The following RNF169 variants were observed in gnomAD, a reference collection of about 807,000 sequenced individuals.
RNF169 encodes ring finger protein 169.
A neutral mutation model predicts 53.9 loss-of-function variants in RNF169; 24 were observed. The ratio of observed to expected loss-of-function variants is 0.45; its 90% CI spans 0.32 to 0.63. The LOEUF is 0.63. Ranked by LOEUF, RNF169 falls within the 20% of genes least tolerant of loss-of-function variation. RNF169 has a pLI of 0.04. For missense variants in RNF169, 883 were observed against 906.2 expected (o/e 0.97, Z 0.33); for synonymous variants, 396 against 363.5 (o/e 1.09, Z -1.02).
At position 74,799,447 on chromosome 11, in the gene RNF169, C is replaced by T. The variant is rs2035698684; in HGVS notation, c.576+9748C>T. On this transcript the variant is annotated intron_variant, in intron 2 of 5. Transcript: ENST00000299563. ...TGTGCTTTTCAAAGAAAAGAACACA[C>T]TTGGAGCATTCAAAACACGATCAAA... 2.6e-5 allele frequency among the ~76,000 whole-genome samples: 4 copies of T among 152,258 alleles called. No homozygotes were observed. The South Asian group carries it at 8.3e-4, about 32-fold the overall frequency.
In RNF169 at chr11:74,841,901, T is replaced by C. The variant is rs1485386423; in HGVS notation, c.*5171T>C. 3.3e-5 allele frequency: 5 copies of C among 152,198 alleles called. No individual in the cohort carries two copies. The highest frequency in any genetic ancestry group is 9.7e-5 in the African/African-American group (4 of 41,436). The allele number at this position is 152,198 out of a possible 1,614,324, so 9.4% of individuals were successfully genotyped here. ...TGAGAGCATTGGGTTCAAGTTTGCA[T>C]CAAACATGGTATTACCAACGCTGAG... On this transcript the variant is annotated 3_prime_UTR_variant, in exon 6 of 6. Transcript: ENST00000299563.
rs2036256945 is a variant in RNF169, at chr11:74,836,328, A to G, written c.1725A>G (p.Ser575=). The change falls in exon 6 of 6, where the codon TCA becomes TCG. Residue 575 remains serine, a synonymous_variant. Transcript: ENST00000299563. The stretch of plus-strand genomic sequence containing the variant: ...CCATGAAAATCACCACAGTTAATTC[A>G]GTGCTACCCCAAAACAGTGTTTTGG... The part of the protein sequence containing the change: ...SRAMKITTVN[S]VLPQNSVLGG... 6.2e-7 allele frequency: 1 copy of G among 1,614,200 alleles called. No individual in the cohort carries two copies.
chr11:74,828,683 A>G (rs1305414636), intron 4 of RNF169, among the ~76,000 whole-genome samples: 1 of 152,222 alleles, frequency 6.6e-6, no homozygotes, highest in Non-Finnish European at 1.5e-5. Context: ...TCCAGAAATA[A>G]GACCACATAC....
rs2034834962 is a variant in RNF169, at chr11:74,748,899, A to C, written c.19A>C (p.Ser7Arg). The change falls in exon 1 of 6, where the codon AGT (serine) becomes CGT (arginine). Residue 7 changes from serine to arginine, a missense_variant. By Grantham distance (110) the Ser-to-Arg change is moderately radical (BLOSUM62 -1). Coordinates refer to ENST00000299563, the MANE Select transcript of RNF169 (RefSeq NM_001098638.2). Reference sequence around the variant, plus strand: ...AAACAAGATGGCGGCTGCAGGTCCGAGTACTCGGGCCTCTTCCGCGGCGGC... The same window carrying C: ...AAACAAGATGGCGGCTGCAGGTCCGCGTACTCGGGCCTCTTCCGCGGCGGC... MAAAGP[S>R]TRASSAAAAA... 8.4e-6 allele frequency: 12 copies of C among 1,432,968 alleles called. No homozygotes were observed. Among genetic ancestry groups the C allele is most frequent in the Middle Eastern group, 1.9e-4 (1 of 5,310 alleles). The allele number at this position is 1,432,968 out of a possible 1,614,324, so 88.8% of individuals were successfully genotyped here.
At chr11:74,787,519 G>A (rs2035521268) in intron 1 of RNF169, among the ~76,000 whole-genome samples, 1 of 152,138 alleles carries the variant, frequency 6.6e-6, no homozygotes, top group African/African-American at 2.4e-5. Context: ...TGAGTAGATC[G>A]GCTTCTTGGG....
chr11:74,834,803 CTTG>C, intron 5 of RNF169, 28 bp downstream of exon 5: 2 of 1,505,284 alleles, frequency 1.3e-6, no homozygotes, highest in Non-Finnish European at 1.8e-6. Context: ...ACCTCCGGGG[CTTG>C]TGAGGCTTGC....
chr11:74,789,525 T>C (rs2035551618), intron 1 of RNF169, 101 bp from the exon 2 acceptor site: 1 of 696,980 alleles, frequency 1.4e-6, no homozygotes, highest in Non-Finnish European at 2.5e-6. Flanking sequence ...TTCTTAGCTT[T>C]GATTTTTATC....
intron 1 of RNF169, among the ~76,000 whole-genome samples, chr11:74,759,376 C>G (rs1182336631): frequency 2.8e-4 from 36 of 129,726 alleles, no homozygotes; most frequent in African/African-American, 1.0e-3. Context: ...GAGGGCATCC[C>G]TGTCTTGTGC....
chr11:74,782,688 T>C (rs144159655), intron 1 of RNF169, among the ~76,000 whole-genome samples: 4 of 152,334 alleles, frequency 2.6e-5, no homozygotes, highest in African/African-American at 9.6e-5. Flanking sequence ...AAATTGTCTC[T>C]GTGTATTTAA....
At chr11:74,799,388 T>A (rs1229435068) in intron 2 of RNF169, among the ~76,000 whole-genome samples, 1 of 152,176 alleles carries the variant, frequency 6.6e-6, no homozygotes, top group Non-Finnish European at 1.5e-5. Flanking sequence ...TATTTATAAC[T>A]ACCCAGATGT....
At chr11:74,831,882 A>C (rs963651889) in intron 4 of RNF169, 1 of 152,240 alleles carries the variant, frequency 6.6e-6, no homozygotes, top group Non-Finnish European at 1.5e-5. Flanking sequence ...AAGGGTGCCA[A>C]GACCATTCAG....
At chr11:74,811,144 A>T (rs997846786) in intron 3 of RNF169, among the ~76,000 whole-genome samples, 1 of 152,144 alleles carries the variant, frequency 6.6e-6, no homozygotes, top group Non-Finnish European at 1.5e-5. Flanking sequence ...AAAAAAAAAA[A>T]TCTCTGGATC....
At chr11:74,766,447 A>T (rs2035176390) in intron 1 of RNF169, among the ~76,000 whole-genome samples, 1 of 152,220 alleles carries the variant, frequency 6.6e-6, no homozygotes, top group South Asian at 2.1e-4. Context: ...AAAACATTTG[A>T]TGAGAATTTG....
rs2036293676 is a variant in RNF169 at position 74,838,666 on chromosome 11, C to T, written c.*1936C>T. On this transcript the variant is annotated 3_prime_UTR_variant, in exon 6 of 6. Transcript: ENST00000299563. Reference sequence around the variant, plus strand: ...GTATGTTTTAAAAACATTTACCAAACTCATGATTTTGTAGTCACACCACTT... The same window carrying T: ...GTATGTTTTAAAAACATTTACCAAATTCATGATTTTGTAGTCACACCACTT... 6.6e-6 allele frequency: 1 copy of T among 152,202 alleles called. No homozygotes were observed. Among genetic ancestry groups the T allele is most frequent in the Non-Finnish European group, 1.5e-5 (1 of 68,042 alleles). 9.4% of individuals were successfully genotyped at this position (152,202 alleles called of 1,614,324 possible). A position where few individuals can be genotyped will look rare whatever the true frequency, so the allele number is the denominator to read the frequency against.
Position 74,823,874 on chromosome 11 carries a change from T to C in RNF169, c.842+6160T>C, listed in dbSNP as rs537734017. Among the ~76,000 whole-genome samples, 353 of 152,014 alleles carry C rather than the reference T, an allele frequency of 2.3e-3. 2 individuals are homozygous for C. The highest frequency in any genetic ancestry group is 7.9e-3 in the African/African-American group (328 of 41,466). ...CACATATGACAAAAAATAGACTTTA[T>C]AAAATCAGTTCAAAAAAGTCACTGA... On this transcript the variant is annotated intron_variant, in intron 4 of 5. Coordinates refer to ENST00000299563, the MANE Select transcript of RNF169 (RefSeq NM_001098638.2).
In RNF169 at chr11:74,757,981, G is replaced by C. The variant is rs922352990; in HGVS notation, c.502+8599G>C. Among the ~76,000 whole-genome samples, 9 of 77,672 alleles carry C rather than the reference G, an allele frequency of 1.2e-4. 2 individuals carry two copies. Among genetic ancestry groups the C allele is most frequent in the Non-Finnish European group, 1.9e-4 (9 of 46,266 alleles). 51.0% of individuals were successfully genotyped at this position (77,672 alleles called of 152,430 possible). On this transcript the variant is annotated intron_variant, in intron 1 of 5. Coordinates refer to ENST00000299563, the MANE Select transcript of RNF169 (RefSeq NM_001098638.2). ...CACTCTGATGGTAGTTTCTTTTGCT[G>C]TGCAGAAGCTCTTTAGTTTAATTAG...
At position 74,811,281 on chromosome 11, in the gene RNF169, G is replaced by C. The variant is rs140794794; in HGVS notation, c.723+951G>C. On this transcript the variant is annotated intron_variant, in intron 3 of 5. Transcript: ENST00000299563. ...TTCTGGAGCAGGGTCTTGCTTTGTT[G>C]CCCAGGCTGGAGTGCAGGGGTGTGA... Among the ~76,000 whole-genome samples the C allele has an allele frequency of 4.3e-3, 662 of 152,226 alleles. 3 individuals carry two copies. Among genetic ancestry groups the C allele is most frequent in the African/African-American group, 0.015 (625 of 41,520 alleles).
chr11:74,792,412 T>C (rs2035591669), intron 2 of RNF169, among the ~76,000 whole-genome samples: 1 of 152,078 alleles, frequency 6.6e-6, no homozygotes, highest in Admixed American at 6.6e-5. Flanking sequence ...AGGGTTTCTT[T>C]TTTTTTTGAA....
intron 2 of RNF169, among the ~76,000 whole-genome samples, chr11:74,798,014 A>G (rs564452243): frequency 4.6e-5 from 7 of 152,326 alleles, no homozygotes; most frequent in East Asian, 1.9e-4. Flanking sequence ...GTGATTTCCC[A>G]TGCCTGTCTT....
Sources: allele counts gnomAD v4.1 joint callset (sites outside exome capture counted in the v4.1 genomes callset), GRCh38; gene constraint gnomAD v4.1.1; transcripts MANE v1.5; gene names NCBI Gene and HGNC (gene_info 2026-07-23, HGNC 2026-07-21).